Variants in PIRT observed in about 807,000 individuals in gnomAD.
PIRT encodes phosphoinositide interacting regulator of transient receptor potential channels.
In PIRT, 6 loss-of-function variants were observed where a neutral mutation model predicts 7.9. That is an observed-to-expected ratio of 0.76 (90% CI 0.42 to 1.51). The LOEUF is 1.51. Among genes scored for constraint, PIRT ranks in the 40% most tolerant of loss-of-function variants. The pLI is 0.01. For synonymous variants in PIRT, 78 were observed against 71.8 expected, an observed-to-expected ratio of 1.09 and a Z score of -0.44; for missense variants, 170 against 172.9, an observed-to-expected ratio of 0.98 and a Z score of 0.09.
At chr17:10,832,882 G>A (rs1905495219) in intron 1 of PIRT, among the ~76,000 whole-genome samples, 1 of 152,180 alleles carries the variant, frequency 6.6e-6, no homozygotes, top group African/African-American at 2.4e-5. Flanking sequence ...GACCCTTAGT[G>A]CTAAGAGGAT....
Position 10,825,499 on chromosome 17 carries a change from C to T in PIRT, c.147G>A (p.Trp49Ter). 1.2e-6 allele frequency: 2 copies of T among 1,613,794 alleles called. No individual in the cohort carries two copies. Among genetic ancestry groups the T allele is most frequent in the Non-Finnish European group, 1.7e-6 (2 of 1,179,842 alleles). ...SVWTTTPRSN[W>*]EIYRKPIVIM... is the part of the protein sequence containing the mutation. Reference sequence around the variant, plus strand: ...TAACGATGGGCTTGCGGTAGATTTCCCAGTTACTCCTGGGGGTGGTGGTCC... The same window carrying T: ...TAACGATGGGCTTGCGGTAGATTTCTCAGTTACTCCTGGGGGTGGTGGTCC... Residue 49 changes from tryptophan to a stop codon, truncating the protein, a stop_gained, in exon 2 of 2, where the codon TGG (tryptophan) becomes TGA (stop). Transcript: ENST00000580256. LOFTEE classifies it high-confidence loss of function.
intron 1 of PIRT, among the ~76,000 whole-genome samples, chr17:10,834,375 A>G (rs1905534118): frequency 6.6e-6 from 1 of 152,148 alleles, no homozygotes; most frequent in African/African-American, 2.4e-5. Flanking sequence ...GAGTACCTAT[A>G]TGGCATGTTT....
chr17:10,836,006 T>C (rs1905581749), intron 1 of PIRT, among the ~76,000 whole-genome samples: 1 of 151,708 alleles, frequency 6.6e-6, no homozygotes, highest in African/African-American at 2.4e-5. Flanking sequence ...AGGTTCAAGC[T>C]ATTCTCCTGC....
chr17:10,832,650 C>T (rs1281321283), intron 1 of PIRT, among the ~76,000 whole-genome samples: 3 of 152,180 alleles, frequency 2.0e-5, no homozygotes, highest in Non-Finnish European at 4.4e-5. Flanking sequence ...ACGTTCCTTC[C>T]TTTGGATTCT....
chr17:10,833,904 A>G (rs1201259232), intron 1 of PIRT, among the ~76,000 whole-genome samples: 1 of 152,258 alleles, frequency 6.6e-6, no homozygotes, highest in Non-Finnish European at 1.5e-5. Flanking sequence ...ACAGGAAAAT[A>G]CAAATTAAAG....
chr17:10,831,069 G>T (rs1230578613), intron 1 of PIRT, among the ~76,000 whole-genome samples: 1 of 152,168 alleles, frequency 6.6e-6, no homozygotes, highest in Non-Finnish European at 1.5e-5. Context: ...GAAAATTCAG[G>T]ATAGAGGCTG....
chr17:10,833,200 A>C (rs1489627685), intron 1 of PIRT, among the ~76,000 whole-genome samples: 1 of 152,238 alleles, frequency 6.6e-6, no homozygotes. Context: ...ATCCCACTTG[A>C]CGTCATCAAC....
In PIRT at chr17:10,825,386, G is replaced by A; in HGVS notation, c.260C>T (p.Ser87Phe). 6.2e-7 allele frequency: 1 copy of A among 1,614,016 alleles called. No homozygotes were observed. The highest frequency in any genetic ancestry group is 1.7e-5 in the Admixed American group (1 of 60,018). ...GCCAGGCCCTACCATTTTGAGGATG[G>A]AGAGACTCTTGTCACTCAGCTTCAA... The part of the protein sequence containing the change: ...YTLKLSDKSL[S>F]ILKMVGPGFL... Residue 87 changes from serine (S) to phenylalanine (F), a missense_variant, in exon 2 of 2, where the codon TCC (serine) becomes TTC (phenylalanine). By Grantham distance (155) the Ser-to-Phe change is radical (BLOSUM62 -2). Transcript: ENST00000580256.
Position 10,825,360 on chromosome 17 carries a change from A to C in PIRT, c.286T>G (p.Phe96Val), listed in dbSNP as rs776042331. The C allele has an allele frequency of 3.1e-6, 5 of 1,613,862 alleles. No homozygotes were observed. The African/African-American group carries it at 6.7e-5, about 22-fold the overall frequency. ...LSILKMVGPG[F>V]LSLGLMMLVC... ...AGCATCATGAGTCCCAGGGACAGGAAGCCAGGCCCTACCATTTTGAGGATG... is the reference window on the plus strand; with the variant it reads ...AGCATCATGAGTCCCAGGGACAGGACGCCAGGCCCTACCATTTTGAGGATG... The change falls in exon 2 of 2, where the codon TTC becomes GTC. Residue 96 changes from phenylalanine to valine, a missense_variant. Transcript: ENST00000580256.
chr17:10,822,478 C>A lies in PIRT; in HGVS notation c.*2754G>T, dbSNP rs1905227892. 1 of 152,154 alleles carries A rather than the reference C, an allele frequency of 6.6e-6. No homozygotes were observed. Among genetic ancestry groups the A allele is most frequent in the Non-Finnish European group, 1.5e-5 (1 of 68,038 alleles). 9.4% of individuals were successfully genotyped at this position (152,154 alleles called of 1,614,324 possible). On this transcript the variant is annotated 3_prime_UTR_variant, in exon 2 of 2. Transcript: ENST00000580256. ...AATGAAAACACAGCAGACAGTGTTA[C>A]ATAGAATACAATTCAACATTACATT...
rs193202229 is a variant in PIRT, at chr17:10,830,904, T to C, written c.-138-5121A>G. On this transcript the variant is annotated intron_variant, in intron 1 of 1. Transcript: ENST00000580256. ...GTAGGATAGTTAGCAACATTCCTGG[T>C]CTCTACCCACTAGATGCCAACAGTA... Among the ~76,000 whole-genome samples the C allele has an allele frequency of 2.9e-3, 441 of 152,294 alleles. 2 individuals are homozygous for C. The highest frequency in any genetic ancestry group is 9.4e-3 in the African/African-American group (390 of 41,564).
chr17:10,831,966 T>C (rs1905473178), intron 1 of PIRT, among the ~76,000 whole-genome samples: 1 of 152,082 alleles, frequency 6.6e-6, no homozygotes, highest in Non-Finnish European at 1.5e-5. Context: ...TTAATTACAG[T>C]ACACAACCAA....
chr17:10,832,399 G>T (rs1462984130), intron 1 of PIRT, among the ~76,000 whole-genome samples: 1 of 152,056 alleles, frequency 6.6e-6, no homozygotes, highest in Admixed American at 6.6e-5. Flanking sequence ...CTCTATGTTG[G>T]TCAGGCTGGT....
rs1239604805 is a variant in PIRT, at chr17:10,825,352, G to A, written c.294C>T (p.Ser98=). ...ILKMVGPGFL[S]LGLMMLVCGL... ...CGCACACCAGCATCATGAGTCCCAG[G>A]GACAGGAAGCCAGGCCCTACCATTT... The change falls in exon 2 of 2, where the codon TCC becomes TCT. Residue 98 remains serine (S), a synonymous_variant. Transcript: ENST00000580256. The A allele has an allele frequency of 1.9e-6, 3 of 1,613,858 alleles. No individual in the cohort carries two copies. The highest frequency in any genetic ancestry group is 3.3e-5 in the Admixed American group (2 of 59,992).
intron 1 of PIRT, among the ~76,000 whole-genome samples, chr17:10,834,903 T>G (rs111898796): frequency 1.4e-4 from 22 of 152,076 alleles, no homozygotes; most frequent in Non-Finnish European, 2.5e-4. Flanking sequence ...TTTGTTTTTT[T>G]TTTTTTTTTA....
chr17:10,831,316 C>T (rs760113654), intron 1 of PIRT, among the ~76,000 whole-genome samples: 11 of 152,176 alleles, frequency 7.2e-5, no homozygotes, highest in East Asian at 1.9e-4. Flanking sequence ...AAAGATATGT[C>T]TACCCAGAAC....
chr17:10,834,791 CG>C (rs1455464935), intron 1 of PIRT, among the ~76,000 whole-genome samples: 1 of 151,908 alleles, frequency 6.6e-6, no homozygotes, highest in African/African-American at 2.4e-5. Context: ...GGGGCTTCAC[CG>C]TGTTAGCCAG....
chr17:10,835,517 C>T (rs989213957), intron 1 of PIRT, among the ~76,000 whole-genome samples: 3 of 152,234 alleles, frequency 2.0e-5, no homozygotes, highest in East Asian at 1.9e-4. Context: ...AAGTCTATTC[C>T]GCCCCTCCTT....
chr17:10,826,906 G>A lies in PIRT; in HGVS notation c.-138-1123C>T, dbSNP rs926311840. Among the ~76,000 whole-genome samples, 9 of 152,068 alleles carry A rather than the reference G, an allele frequency of 5.9e-5. No homozygotes were observed. In the East Asian group the frequency reaches 1.4e-3, roughly 23 times the overall value. ...CAGCTGACCGCACCCTCCGCCTCCC[G>A]GGTTCAAACGATCCTCCTGCCTCAG... On this transcript the variant is annotated intron_variant, in intron 1 of 1. Transcript: ENST00000580256.
Sources: gnomAD v4.1 joint callset for allele counts (sites outside exome capture counted in the v4.1 genomes callset) on GRCh38, gnomAD v4.1.1 for gene constraint, MANE v1.5 for transcripts, NCBI Gene and HGNC (gene_info 2026-07-23, HGNC 2026-07-21) for gene names.